Variants in SRGAP2C observed in about 807,000 individuals in gnomAD.
SRGAP2C encodes SLIT-ROBO Rho GTPase-activating protein 2C.
SRGAP2C carries 15 observed loss-of-function variants against 25.1 expected under a neutral mutation model. That is an observed-to-expected ratio of 0.60 (90% CI 0.40 to 0.92). The LOEUF (loss-of-function observed/expected upper bound fraction) is 0.92, where lower values mean the gene tolerates loss of function less well. Among genes scored for constraint, SRGAP2C ranks in the 40% least tolerant of loss-of-function variants. SRGAP2C has a pLI of 0.00. For missense variants in SRGAP2C, 144 were observed against 264.4 expected (o/e 0.54, Z 3.16); for synonymous variants, 44 against 96.6 (o/e 0.46, Z 3.19).
intron 2 of SRGAP2C, among the ~76,000 whole-genome samples, chr1:121,211,045 C>T (rs1346977939): frequency 7.3e-6 from 1 of 137,416 alleles, no homozygotes; most frequent in East Asian, 2.3e-4. Flanking sequence ...GAATGGCGGA[C>T]ATAATCTCTG....
rs1553334181 is a variant in SRGAP2C at position 121,265,774 on chromosome 1, T to C, written c.68-19029T>C. ...AACAGTTACAAAGCCAATTTGGATATGTTTATCTCTATATCTTATGTCTTT... is the reference window on the plus strand; with the variant it reads ...AACAGTTACAAAGCCAATTTGGATACGTTTATCTCTATATCTTATGTCTTT... On this transcript the variant is annotated intron_variant, in intron 2 of 9. Transcript: ENST00000367123. 1.3e-5 allele frequency among the ~76,000 whole-genome samples: 2 copies of C among 151,904 alleles called. 1 individual carries two copies. Among genetic ancestry groups the C allele is most frequent in the Non-Finnish European group, 2.9e-5 (2 of 67,900 alleles).
intron 3 of SRGAP2C, among the ~76,000 whole-genome samples, chr1:121,307,985 T>C (rs1272904798): frequency 6.6e-6 from 1 of 151,822 alleles, no homozygotes; most frequent in Non-Finnish European, 1.5e-5. Context: ...ATGCAGTGTG[T>C]CAACATGCTT....
chr1:121,186,333 G>A (rs1558073351), intron 1 of SRGAP2C, among the ~76,000 whole-genome samples: 4 of 88,884 alleles, frequency 4.5e-5, no homozygotes, highest in East Asian at 4.6e-4. Context: ...TGACCACATT[G>A]TTTTCCTGGA....
intron 2 of SRGAP2C, among the ~76,000 whole-genome samples, chr1:121,263,258 A>T (rs1656672573): frequency 6.6e-6 from 1 of 150,928 alleles, no homozygotes; most frequent in Non-Finnish European, 1.5e-5. Flanking sequence ...CAGGAGGTGG[A>T]GGTTGCAGCC....
chr1:121,263,562 G>A (rs1435262157), intron 2 of SRGAP2C, among the ~76,000 whole-genome samples: 1 of 150,824 alleles, frequency 6.6e-6, no homozygotes, highest in African/African-American at 2.4e-5. Flanking sequence ...AAATTCTACA[G>A]AAGTTCTATC....
intron 3 of SRGAP2C, among the ~76,000 whole-genome samples, chr1:121,323,342 G>A (rs1553341328): frequency 1.2e-3 from 189 of 152,224 alleles, no homozygotes; most frequent in African/African-American, 4.2e-3. Context: ...AGGGCCGGGC[G>A]CAGTGGCTCA....
intron 4 of SRGAP2C, among the ~76,000 whole-genome samples, chr1:121,329,855 G>C (rs1378874847): frequency 6.6e-6 from 1 of 152,136 alleles, no homozygotes; most frequent in Non-Finnish European, 1.5e-5. Context: ...ACTTTGTCTA[G>C]GACAAGAGGG....
rs1299897153 is a variant in SRGAP2C, at chr1:121,209,779, G to A, written c.67+22266G>A. 1.3e-4 allele frequency among the ~76,000 whole-genome samples: 10 copies of A among 77,082 alleles called. 5 individuals carry two copies. The highest frequency in any genetic ancestry group is 6.4e-4 in the African/African-American group (10 of 15,520). The allele number at this position is 77,082 out of a possible 152,430, so 50.6% of individuals were successfully genotyped here. A position where few individuals can be genotyped will look rare whatever the true frequency, so the allele number is the denominator to read the frequency against. On this transcript the variant is annotated intron_variant, in intron 2 of 9. Coordinates refer to ENST00000367123, the MANE Select transcript of SRGAP2C (RefSeq NM_001329984.2). ...TAATATCATGTTTCATTTCACATAC[G>A]GTACTTGATATCTCAATTACATTAG...
chr1:121,312,883 G>GA (rs1301539230), intron 3 of SRGAP2C, among the ~76,000 whole-genome samples: 1 of 20,750 alleles, frequency 4.8e-5, no homozygotes, highest in African/African-American at 1.9e-4. Context: ...GTGTGGTGCT[G>GA]AAAAAAATGT....
intron 4 of SRGAP2C, among the ~76,000 whole-genome samples, chr1:121,357,012 C>G (rs1396597729): frequency 2.0e-5 from 3 of 150,492 alleles, no homozygotes; most frequent in Admixed American, 6.6e-5. Context: ...ACCCTTGTCC[C>G]GAGTATGCCT....
At chr1:121,200,804 C>CTT (rs1654958086) in intron 2 of SRGAP2C, among the ~76,000 whole-genome samples, 1 of 138,038 alleles carries the variant, frequency 7.2e-6, no homozygotes, top group Non-Finnish European at 1.6e-5. Flanking sequence ...AGATGTCATT[C>CTT]CACCTTTGGG....
chr1:121,202,080 G>A (rs1338349774), intron 2 of SRGAP2C, among the ~76,000 whole-genome samples: 1 of 152,196 alleles, frequency 6.6e-6, no homozygotes, highest in Non-Finnish European at 1.5e-5. Context: ...GTATACCGCA[G>A]CCCACCTTCC....
At chr1:121,320,475 AT>A (rs1160683680) in intron 3 of SRGAP2C, among the ~76,000 whole-genome samples, 2 of 115,230 alleles carry the variant, frequency 1.7e-5, no homozygotes, top group East Asian at 4.8e-4. Flanking sequence ...TATGAAACAG[AT>A]CAAAGCAGTA....
intron 2 of SRGAP2C, among the ~76,000 whole-genome samples, chr1:121,239,611 T>A (rs1656075117): frequency 7.2e-6 from 1 of 139,482 alleles, no homozygotes; most frequent in Admixed American, 7.3e-5. Context: ...TAATAGTCAG[T>A]TGAGGGTGGA....
intron 2 of SRGAP2C, among the ~76,000 whole-genome samples, chr1:121,239,215 TATATATATATATAC>T: frequency 1.7e-4 from 1 of 5,886 alleles, no homozygotes; most frequent in Non-Finnish European, 2.4e-4. Flanking sequence ...TATATATATA[TATATATATATATAC>T]TATATATATA....
chr1:121,214,829 AG>A (rs1655350286), intron 2 of SRGAP2C, among the ~76,000 whole-genome samples: 1 of 59,910 alleles, frequency 1.7e-5, no homozygotes, highest in Non-Finnish European at 3.1e-5. Context: ...TCCAGGCTAT[AG>A]AAAAATTATG....
chr1:121,323,615 CAAAAAAAAAAA>C (rs1163708332), intron 3 of SRGAP2C, among the ~76,000 whole-genome samples: 1 of 28,156 alleles, frequency 3.6e-5, no homozygotes, highest in Non-Finnish European at 6.6e-5. Flanking sequence ...GACTTTGTCT[CAAAAAAAAAAA>C]AAAAAAAAAA....
At chr1:121,222,473 T>C (rs1318313064) in intron 2 of SRGAP2C, among the ~76,000 whole-genome samples, 8 of 151,708 alleles carry the variant, frequency 5.3e-5, no homozygotes, top group Non-Finnish European at 8.8e-5. Flanking sequence ...TACAGATAAT[T>C]TAAAAATTAG....
intron 8 of SRGAP2C, among the ~76,000 whole-genome samples, chr1:121,384,769 G>A (rs1452590943): frequency 1.5e-4 from 22 of 151,474 alleles, no homozygotes; most frequent in African/African-American, 4.6e-4. Context: ...TCCATACTCC[G>A]GAGTGCAGCT....
Sources: gnomAD v4.1 joint callset for allele counts (sites outside exome capture counted in the v4.1 genomes callset) on GRCh38, gnomAD v4.1.1 for gene constraint, MANE v1.5 for transcripts, NCBI Gene and HGNC (gene_info 2026-07-23, HGNC 2026-07-21) for gene names.